CRYBG1: variants seen among roughly 807,000 people sequenced by gnomAD.
CRYBG1 encodes the protein beta/gamma crystallin domain-containing protein 1.
A neutral mutation model predicts 189.2 loss-of-function variants in CRYBG1; 139 were observed. The observed-to-expected ratio is 0.73, with a 90% CI of 0.64 to 0.85. CRYBG1 has a LOEUF of 0.85. CRYBG1 is among the 40% of genes least tolerant of loss of function. CRYBG1 has a pLI of 0.00. For synonymous variants in CRYBG1, 1,023 were observed against 1,017.1 expected (o/e 1.01, Z -0.11); for missense variants, 2,611 against 2,675.8 (o/e 0.98, Z 0.53).
At chr6:106,523,198 G>A (rs1224150227) in intron 4 of CRYBG1, among the ~76,000 whole-genome samples, 1 of 152,112 alleles carries the variant, frequency 6.6e-6, no homozygotes, top group East Asian at 1.9e-4. Flanking sequence ...AAAGTATCTT[G>A]GAGACCCCCG....
chr6:106,530,202 AT>A lies in CRYBG1; in HGVS notation c.4608del (p.Phe1536LeufsTer7), dbSNP rs1562107074. 6.2e-7 allele frequency: 1 copy of A among 1,612,702 alleles called. No homozygotes were observed. Among genetic ancestry groups the A allele is most frequent in the Non-Finnish European group, 8.5e-7 (1 of 1,179,302 alleles). On this transcript the variant is annotated frameshift_variant, in exon 8 of 22. Transcript: ENST00000633556. LOFTEE classifies it high-confidence loss of function. ...ATTACAGAGTTAGTCACATTGACTTATTTACTGAACCAGAAGGGTTAGGAAT... is the reference window on the plus strand; with the variant it reads ...ATTACAGAGTTAGTCACATTGACTTATTACTGAACCAGAAGGGTTAGGAAT... ...QDYRVSHIDL[F>X]TEPEGLGILS...
rs1273795308 is a variant in CRYBG1, at chr6:106,374,733, A to G, written c.173+13652A>G. Among the ~76,000 whole-genome samples the G allele has an allele frequency of 3.9e-5, 6 of 152,234 alleles. No homozygotes were observed. In the East Asian group the frequency reaches 1.2e-3, roughly 29 times the overall value. On this transcript the variant is annotated intron_variant, in intron 1 of 21. Transcript: ENST00000633556. Reference sequence around the variant, plus strand: ...TAAATGGATGGTTCTATTTATATCTATAATGTAAAGATATGCATATTGATA... The same window carrying G: ...TAAATGGATGGTTCTATTTATATCTGTAATGTAAAGATATGCATATTGATA...
chr6:106,519,945 T>C lies in CRYBG1; in HGVS notation c.2737T>C (p.Leu913=), dbSNP rs778139113. ...GTCAGAAAACCATAAAGGATGTGTT[T>C]TGCCTGTGTCTCGTCAGAACAATGA... is the stretch of plus-strand genomic sequence containing the variant. ...KVSENHKGCV[L]PVSRQNNEKM... The change falls in exon 4 of 22, where the codon TTG becomes CTG. Residue 913 remains leucine, a synonymous_variant. Transcript: ENST00000633556. 93 of 1,614,060 alleles carry C rather than the reference T, an allele frequency of 5.8e-5. No homozygotes were observed. The highest frequency in any genetic ancestry group is 7.5e-5 in the Non-Finnish European group (88 of 1,180,052).
chr6:106,440,906 C>G (rs763610150), intron 1 of CRYBG1, among the ~76,000 whole-genome samples: 1 of 152,132 alleles, frequency 6.6e-6, no homozygotes, highest in Non-Finnish European at 1.5e-5. Flanking sequence ...TTATTGCTTT[C>G]TTTTTCTTTT....
At chr6:106,398,669 A>G (rs1236563388) in intron 1 of CRYBG1, among the ~76,000 whole-genome samples, 2 of 152,112 alleles carry the variant, frequency 1.3e-5, no homozygotes, top group Admixed American at 6.6e-5. Flanking sequence ...TTCCTTCTCC[A>G]GCTTCTCAGT....
intron 4 of CRYBG1, among the ~76,000 whole-genome samples, chr6:106,524,215 G>A (rs535472053): frequency 6.6e-6 from 1 of 152,212 alleles, no homozygotes; most frequent in East Asian, 1.9e-4. Flanking sequence ...TTGTCAGATG[G>A]TCTTGAAAAT....
intron 3 of CRYBG1, among the ~76,000 whole-genome samples, chr6:106,517,293 CAT>C (rs200759653): frequency 2.9e-5 from 4 of 139,818 alleles, no homozygotes; most frequent in Admixed American, 7.1e-5. Flanking sequence ...TATATATATA[CAT>C]ATATATATAC....
chr6:106,484,763 A>G (rs1038163697), intron 2 of CRYBG1, among the ~76,000 whole-genome samples: 20 of 151,802 alleles, frequency 1.3e-4, no homozygotes, highest in African/African-American at 4.8e-4. Context: ...AGACGGGAGG[A>G]TCACTTGAGC....
chr6:106,482,557 C>T (rs1298442451), intron 2 of CRYBG1, among the ~76,000 whole-genome samples: 3 of 152,094 alleles, frequency 2.0e-5, no homozygotes, highest in South Asian at 4.1e-4. Flanking sequence ...GGGTGAATCA[C>T]AAGGTCAGGA....
At chr6:106,562,012 A>G (rs550539585) in intron 20 of CRYBG1, among the ~76,000 whole-genome samples, 2 of 152,238 alleles carry the variant, frequency 1.3e-5, no homozygotes, top group Non-Finnish European at 2.9e-5. Flanking sequence ...AGCTGACTGT[A>G]GTAAGATTTT....
intron 2 of CRYBG1, among the ~76,000 whole-genome samples, chr6:106,466,955 A>G (rs9386547): frequency 0.23 from 35,146 of 152,092 alleles, 4,191 homozygotes; most frequent in East Asian, 0.37. Flanking sequence ...AGTTGGGTAT[A>G]GAGAAATAAA....
At chr6:106,547,109 T>C (rs1774281118) in intron 13 of CRYBG1, among the ~76,000 whole-genome samples, 1 of 152,200 alleles carries the variant, frequency 6.6e-6, no homozygotes, top group Non-Finnish European at 1.5e-5. Flanking sequence ...TTTCCTGGCT[T>C]AAGCTTCTTT....
At chr6:106,450,758 C>A (rs745905603) in intron 1 of CRYBG1, among the ~76,000 whole-genome samples, 1 of 152,216 alleles carries the variant, frequency 6.6e-6, no homozygotes, top group Non-Finnish European at 1.5e-5. Flanking sequence ...AGGCATGACA[C>A]TGGCCTGCAG....
intron 2 of CRYBG1, among the ~76,000 whole-genome samples, chr6:106,502,413 A>G (rs1341480726): frequency 6.6e-6 from 1 of 152,246 alleles, no homozygotes; most frequent in African/African-American, 2.4e-5. Flanking sequence ...AATTTTAGTT[A>G]GGAACTAACT....
intron 1 of CRYBG1, among the ~76,000 whole-genome samples, chr6:106,393,029 C>T (rs1770538045): frequency 6.6e-6 from 1 of 152,188 alleles, no homozygotes; most frequent in Non-Finnish European, 1.5e-5. Flanking sequence ...CTCACCTTGG[C>T]CTCTCAAAGT....
At chr6:106,504,357 A>T (rs1359528392) in intron 2 of CRYBG1, among the ~76,000 whole-genome samples, 1 of 152,220 alleles carries the variant, frequency 6.6e-6, no homozygotes, top group Non-Finnish European at 1.5e-5. Flanking sequence ...AGATCTGCTT[A>T]CTACCAGACA....
At chr6:106,496,854 G>A (rs151022450) in intron 2 of CRYBG1, among the ~76,000 whole-genome samples, 4 of 152,312 alleles carry the variant, frequency 2.6e-5, no homozygotes, top group East Asian at 3.9e-4. Flanking sequence ...CATTCGAAGT[G>A]TTGAAATGGG....
intron 1 of CRYBG1, among the ~76,000 whole-genome samples, chr6:106,423,419 C>A (rs537250541): frequency 6.6e-6 from 1 of 151,528 alleles, no homozygotes; most frequent in Admixed American, 6.6e-5. Context: ...TTCTTAAATT[C>A]TGTAAATTAA....
At chr6:106,475,348 G>T (rs1772313571) in intron 2 of CRYBG1, among the ~76,000 whole-genome samples, 1 of 152,162 alleles carries the variant, frequency 6.6e-6, no homozygotes, top group Admixed American at 6.5e-5. Flanking sequence ...ACACGAAAAA[G>T]TTAAAACAGA....
Sources: allele counts gnomAD v4.1 joint callset (sites outside exome capture counted in the v4.1 genomes callset), GRCh38; gene constraint gnomAD v4.1.1; transcripts MANE v1.5; gene names NCBI Gene and HGNC (gene_info 2026-07-23, HGNC 2026-07-21).